EXOC4: variants seen among roughly 807,000 people sequenced by gnomAD.
EXOC4 encodes the protein exocyst complex component 4.
In EXOC4, 71 loss-of-function variants were observed where a neutral mutation model predicts 107.2. The ratio of observed to expected loss-of-function variants is 0.66; its 90% confidence interval spans 0.55 to 0.81. EXOC4 has a LOEUF of 0.81. Among genes scored for constraint, EXOC4 ranks in the 30% least tolerant of loss-of-function variants. The pLI is 0.00. For missense variants in EXOC4, 1,108 were observed against 1,189.6 expected, an observed-to-expected ratio of 0.93 and a Z score of 1.01; for synonymous variants, 456 against 441.2, an observed-to-expected ratio of 1.03 and a Z score of -0.42.
intron 1 of EXOC4, among the ~76,000 whole-genome samples, chr7:133,269,187 T>G (rs1489026182): frequency 6.6e-6 from 1 of 152,190 alleles, no homozygotes; most frequent in Non-Finnish European, 1.5e-5. Flanking sequence ...TGCTTGGTGC[T>G]CTCTTTCCAT....
chr7:133,596,559 C>T (rs1196440865), intron 9 of EXOC4, among the ~76,000 whole-genome samples: 1 of 152,122 alleles, frequency 6.6e-6, no homozygotes, highest in Non-Finnish European at 1.5e-5. Context: ...CACTCTTCCC[C>T]CCAATAATGT....
At chr7:134,037,883 T>A (rs935801908) in intron 17 of EXOC4, among the ~76,000 whole-genome samples, 1 of 152,224 alleles carries the variant, frequency 6.6e-6, no homozygotes, top group Non-Finnish European at 1.5e-5. Context: ...AGTATTCCAA[T>A]TATAAGATAG....
chr7:133,623,784 C>A (rs1802388530), intron 9 of EXOC4, among the ~76,000 whole-genome samples: 1 of 152,150 alleles, frequency 6.6e-6, no homozygotes, highest in African/African-American at 2.4e-5. Context: ...CTTGATATAG[C>A]AACAAACCCA....
At chr7:133,884,624 C>CGCGT (rs797010812) in intron 11 of EXOC4, among the ~76,000 whole-genome samples, 1 of 138,488 alleles carries the variant, frequency 7.2e-6, no homozygotes, top group Non-Finnish European at 1.5e-5. Flanking sequence ...TGTGTGTGCG[C>CGCGT]GCGTGTGTGA....
intron 7 of EXOC4, among the ~76,000 whole-genome samples, chr7:133,418,915 T>G (rs949069216): frequency 6.6e-6 from 1 of 152,138 alleles, no homozygotes; most frequent in Non-Finnish European, 1.5e-5. Context: ...AATGAAAAAG[T>G]CAATGGAGAT....
At chr7:133,971,862 G>C (rs901623081) in intron 14 of EXOC4, among the ~76,000 whole-genome samples, 34 of 152,216 alleles carry the variant, frequency 2.2e-4, no homozygotes, top group Non-Finnish European at 3.2e-4. Context: ...GGAGACCGCA[G>C]TCAGGCCTGC....
At chr7:133,765,223 T>C (rs894223255) in intron 10 of EXOC4, among the ~76,000 whole-genome samples, 1 of 152,096 alleles carries the variant, frequency 6.6e-6, no homozygotes, top group East Asian at 1.9e-4. Context: ...ATATTGCATC[T>C]AATGAGGATT....
chr7:133,801,461 A>G (rs987961437), intron 10 of EXOC4, among the ~76,000 whole-genome samples: 4 of 152,224 alleles, frequency 2.6e-5, no homozygotes, highest in Admixed American at 2.6e-4. Flanking sequence ...GCTACTGTGC[A>G]GGCCTAATTC....
At chr7:133,546,808 C>T (rs1183522689) in intron 9 of EXOC4, among the ~76,000 whole-genome samples, 2 of 152,102 alleles carry the variant, frequency 1.3e-5, no homozygotes, top group African/African-American at 4.8e-5. Flanking sequence ...AAAATTTCTA[C>T]ATCTTAGTTT....
At chr7:134,062,293 G>A (rs1489013583) in intron 17 of EXOC4, among the ~76,000 whole-genome samples, 1 of 152,180 alleles carries the variant, frequency 6.6e-6, no homozygotes, top group African/African-American at 2.4e-5. Context: ...AGGCTTAGCA[G>A]GAGGAAAAGA....
the EXOC4 span, among the ~76,000 whole-genome samples, chr7:134,087,861 T>G: frequency 6.6e-6 from 1 of 152,228 alleles, no homozygotes; most frequent in Non-Finnish European, 1.5e-5. Flanking sequence ...ATTTGTTTCA[T>G]TTTACTTGGC....
At position 133,792,030 on chromosome 7, in the gene EXOC4, C is replaced by T. The variant is rs1796713032; in HGVS notation, c.1515-25295C>T. Among the ~76,000 whole-genome samples the T allele has an allele frequency of 2.0e-5, 3 of 151,964 alleles. No homozygotes were observed. In the South Asian group the frequency reaches 6.2e-4, roughly 32 times the overall value. Reference sequence around the variant, plus strand: ...TTAGGGGTTTAGGGGGTTACAGGTACCTTTGAGAATCTGATGACAGCTGTG... The same window carrying T: ...TTAGGGGTTTAGGGGGTTACAGGTATCTTTGAGAATCTGATGACAGCTGTG... On this transcript the variant is annotated intron_variant, in intron 10 of 17. Transcript: ENST00000253861.
intron 10 of EXOC4, among the ~76,000 whole-genome samples, chr7:133,677,685 A>G (rs1177016792): frequency 1.3e-5 from 2 of 152,216 alleles, no homozygotes; most frequent in East Asian, 3.8e-4. Flanking sequence ...AATAGCTACA[A>G]AGATAAGTAA....
the EXOC4 span, among the ~76,000 whole-genome samples, chr7:134,082,581 C>T: frequency 6.6e-6 from 1 of 152,196 alleles, no homozygotes; most frequent in South Asian, 2.1e-4. Flanking sequence ...GCTGGGACTA[C>T]AGGCACATGC....
intron 10 of EXOC4, among the ~76,000 whole-genome samples, chr7:133,713,823 G>A (rs762928855): frequency 1.3e-4 from 20 of 152,122 alleles, no homozygotes; most frequent in Non-Finnish European, 2.8e-4. Context: ...TGCCGTGACT[G>A]TAAGTTTTCT....
At chr7:133,306,709 A>G (rs1052363447) in intron 4 of EXOC4, among the ~76,000 whole-genome samples, 3 of 152,082 alleles carry the variant, frequency 2.0e-5, no homozygotes, top group Admixed American at 6.5e-5. Context: ...CTTAAAAAAA[A>G]AAAAGACAAA....
At chr7:133,650,182 C>T (rs987860995) in intron 10 of EXOC4, among the ~76,000 whole-genome samples, 1 of 151,992 alleles carries the variant, frequency 6.6e-6, no homozygotes, top group African/African-American at 2.4e-5. Context: ...AGTTCTCTCA[C>T]ATGGCATGAT....
chr7:133,985,157 A>G (rs920997105), intron 14 of EXOC4, among the ~76,000 whole-genome samples: 1 of 152,204 alleles, frequency 6.6e-6, no homozygotes, highest in African/African-American at 2.4e-5. Context: ...AAGAAACACT[A>G]AAAAGTTATA....
chr7:133,699,350 T>G (rs899662613), intron 10 of EXOC4, among the ~76,000 whole-genome samples: 2 of 152,068 alleles, frequency 1.3e-5, no homozygotes, highest in Admixed American at 1.3e-4. Context: ...CAACCTAAAA[T>G]AAGCAACAGA....
Sources: gnomAD v4.1 joint callset for allele counts (sites outside exome capture counted in the v4.1 genomes callset) on GRCh38, gnomAD v4.1.1 for gene constraint, MANE v1.5 for transcripts, NCBI Gene and HGNC (gene_info 2026-07-23, HGNC 2026-07-21) for gene names.